Variants in DNASE1 observed in about 807,000 individuals in gnomAD.
DNASE1 encodes deoxyribonuclease 1, also known as deoxyribonuclease-1.
In DNASE1, 40 loss-of-function variants were observed where a neutral mutation model predicts 33.9. The observed-to-expected ratio is 1.18, with a 90% CI of 0.92 to 1.54. The LOEUF is 1.54. Ranked by LOEUF, DNASE1 falls within the 40% of genes most tolerant of loss-of-function variation. DNASE1 has a pLI of 0.00. For missense variants in DNASE1, 518 were observed against 372.6 expected (o/e 1.39, Z -3.21); for synonymous variants, 216 against 160.0 (o/e 1.35, Z -2.64).
downstream of DNASE1, chr16:3,658,553 G>T (rs2042860907): frequency 1.7e-6 from 1 of 577,612 alleles, no homozygotes; most frequent in Non-Finnish European, 3.1e-6. Context: ...CATGCCTGTA[G>T]TCCCAGCTAC....
At chr16:3,663,305 C>A in exon 10 of DNASE1, 1 of 1,365,902 alleles carries the variant, frequency 7.3e-7, no homozygotes, top group Non-Finnish European at 1.0e-6. Context: ...AGGCTCTTCT[C>A]GGGGGTGGCT....
At position 3,657,715 on chromosome 16, in the gene DNASE1, A is replaced by ATCAGGATCGTGGTTGCAG. The variant is rs1418085746; in HGVS notation, c.705-4_718dup. 1.9e-6 allele frequency: 3 copies of ATCAGGATCGTGGTTGCAG among 1,613,852 alleles called. No individual in the cohort carries two copies. Among genetic ancestry groups the ATCAGGATCGTGGTTGCAG allele is most frequent in the African/African-American group, 2.7e-5 (2 of 74,916 alleles). ...AACCTACTTTCTCTTCCCAACACCC[A>ATCAGGATCGTGGTTGCAG]TCAGGATCGTGGTTGCAGGGATGCT... On this transcript the variant is annotated splice_polypyrimidine_tract_variant and splice_region_variant and intron_variant, in intron 7 of 8. Coordinates refer to ENST00000246949, the MANE Select transcript of DNASE1 (RefSeq NM_005223.4).
chr16:3,663,542 C>T (rs780175390), exon 10 of DNASE1: 11 of 1,613,974 alleles, frequency 6.8e-6, no homozygotes, highest in Non-Finnish European at 9.3e-6. Context: ...GCTCATCAAA[C>T]TGCTCAAAGC....
chr16:3,642,242 T>A (rs1243723188), upstream of DNASE1, among the ~76,000 whole-genome samples: 1 of 152,220 alleles, frequency 6.6e-6, no homozygotes, highest in Non-Finnish European at 1.5e-5. Flanking sequence ...AGCATCATCT[T>A]CTGAGCACTG....
At chr16:3,653,731 C>T (rs1139162), upstream of DNASE1, 1 of 141,640 alleles carries the variant, frequency 7.1e-6, no homozygotes, top group Non-Finnish European at 1.5e-5. Context: ...TGCTTGAACC[C>T]AGGAAGCAGA....
chr16:3,646,178 C>T (rs1372910996), intron 1 of DNASE1, among the ~76,000 whole-genome samples: 1 of 152,094 alleles, frequency 6.6e-6, no homozygotes, highest in Non-Finnish European at 1.5e-5. Context: ...GGATGCCCTG[C>T]AGTGTCCACT....
chr16:3,614,835 T>C lies in DNASE1; in HGVS notation c.-1359+2829T>C, dbSNP rs115596258. On this transcript the variant is annotated intron_variant and NMD_transcript_variant, in intron 1 of 11. Transcript: ENST00000570769. ...ATGGACATGGCTGGGTTATGAAGGA[T>C]AATTGTAATGGTAGAAATTACTGTT... is the stretch of plus-strand genomic sequence containing the variant. Among the ~76,000 whole-genome samples, 1,426 of 152,304 alleles carry C rather than the reference T, an allele frequency of 9.4e-3. 26 individuals carry two copies. The highest frequency in any genetic ancestry group is 0.033 in the African/African-American group (1,363 of 41,562).
At chr16:3,628,254 A>G (rs1273330380) in intron 1 of DNASE1, among the ~76,000 whole-genome samples, 1 of 152,182 alleles carries the variant, frequency 6.6e-6, no homozygotes, top group Non-Finnish European at 1.5e-5. Context: ...GTGTTAGTAT[A>G]TAGAAATGCA....
chr16:3,630,737 C>A (rs139009413), intron 1 of DNASE1, among the ~76,000 whole-genome samples: 1 of 151,738 alleles, frequency 6.6e-6, no homozygotes, highest in East Asian at 1.9e-4. Flanking sequence ...TAAAGTGATT[C>A]TTTTTTGTAG....
At chr16:3,656,250 G>C (rs772322219) in intron 4 of DNASE1, 65 bp downstream of exon 4, 13 of 1,537,440 alleles carry the variant, frequency 8.5e-6, no homozygotes, top group Non-Finnish European at 1.1e-5. Flanking sequence ...GAGCAGGGAA[G>C]TAGTTTGTCC....
At chr16:3,639,142 T>G (rs116462323), upstream of DNASE1, among the ~76,000 whole-genome samples, 1,700 of 152,364 alleles carry the variant, frequency 0.011, 30 homozygotes, top group African/African-American at 0.038. Context: ...GTTATCAGTT[T>G]ATTGCGTCTC....
At chr16:3,639,956 G>C (rs549241144), upstream of DNASE1, among the ~76,000 whole-genome samples, 45 of 152,138 alleles carry the variant, frequency 3.0e-4, no homozygotes, top group Non-Finnish European at 5.4e-4. Flanking sequence ...GAATAATGTT[G>C]GGTTTGGGTC....
At chr16:3,626,511 T>G (rs987118608) in intron 1 of DNASE1, among the ~76,000 whole-genome samples, 31 of 152,382 alleles carry the variant, frequency 2.0e-4, no homozygotes, top group Admixed American at 1.1e-3. Context: ...ATGATTTCAA[T>G]TTTTAAAAAT....
At chr16:3,627,890 G>A (rs185125798) in intron 1 of DNASE1, among the ~76,000 whole-genome samples, 9 of 144,610 alleles carry the variant, frequency 6.2e-5, no homozygotes, top group Non-Finnish European at 1.0e-4. Flanking sequence ...GCTATCTGGG[G>A]TCCGTGGAGA....
At chr16:3,650,394 A>G (rs1364194819), upstream of DNASE1, among the ~76,000 whole-genome samples, 1 of 152,168 alleles carries the variant, frequency 6.6e-6, no homozygotes, top group East Asian at 1.9e-4. Flanking sequence ...GTTTGAGGGA[A>G]AAAAAGCTGA....
intron 1 of DNASE1, among the ~76,000 whole-genome samples, chr16:3,621,271 G>T (rs1466436459): frequency 6.6e-6 from 1 of 152,078 alleles, no homozygotes; most frequent in Admixed American, 6.6e-5. Context: ...AATTTTTGTA[G>T]ATATGGGGTC....
downstream of DNASE1, chr16:3,658,976 A>G: frequency 9.4e-7 from 1 of 1,067,598 alleles, no homozygotes; most frequent in Non-Finnish European, 1.4e-6. Flanking sequence ...GACTGTCTGT[A>G]GTTTTTTAAA....
At chr16:3,663,837 G>A (rs1157473160) in exon 10 of DNASE1, 8 of 443,708 alleles carry the variant, frequency 1.8e-5, no homozygotes, top group Admixed American at 7.3e-5. Flanking sequence ...ACTTTGGGAG[G>A]CCAAAGCAGG....
chr16:3,617,900 C>T (rs2041166303), intron 1 of DNASE1, among the ~76,000 whole-genome samples: 1 of 152,112 alleles, frequency 6.6e-6, no homozygotes, highest in South Asian at 2.1e-4. Flanking sequence ...CTTGGACTTC[C>T]CAGCCTCCAG....
Sources: gnomAD v4.1 joint callset for allele counts (sites outside exome capture counted in the v4.1 genomes callset) on GRCh38, gnomAD v4.1.1 for gene constraint, MANE v1.5 for transcripts, NCBI Gene and HGNC (gene_info 2026-07-23, HGNC 2026-07-21) for gene names.